The following CFAP299 variants were observed in gnomAD, a reference collection of about 807,000 sequenced individuals.
CFAP299 encodes cilia and flagella associated protein 299.
In CFAP299, 21 loss-of-function variants were observed where a neutral mutation model predicts 27.0. The ratio of observed to expected loss-of-function variants is 0.78; its 90% CI spans 0.55 to 1.12. CFAP299 has a LOEUF of 1.12. Ranked by LOEUF, CFAP299 falls within the 50% of genes most tolerant of loss-of-function variation. CFAP299 has a pLI of 0.00. For missense variants in CFAP299, 310 were observed against 276.6 expected (o/e 1.12, Z -0.86); for synonymous variants, 104 against 98.1 (o/e 1.06, Z -0.36).
rs546610451 is a variant in CFAP299 at position 80,659,742 on chromosome 4, CTT to C, written c.333+76562_333+76563del. On this transcript the variant is annotated intron_variant, in intron 3 of 5. Transcript: ENST00000358105. ...AATAAATTGGCATAATCTATACACT[CTT>C]TTGTGTTTCTTTTTATTTTCTATAA... Among the ~76,000 whole-genome samples, 766 of 152,104 alleles carry C rather than the reference CTT, an allele frequency of 5.0e-3. 5 individuals are homozygous for C. Among genetic ancestry groups the C allele is most frequent in the Middle Eastern group, 0.021 (6 of 292 alleles).
At chr4:80,913,447 A>C (rs756894638) in intron 4 of CFAP299, among the ~76,000 whole-genome samples, 8 of 152,168 alleles carry the variant, frequency 5.3e-5, no homozygotes, top group Admixed American at 5.2e-4. Flanking sequence ...CATTGCTCAC[A>C]CTTCATTGCA....
At chr4:80,476,652 G>T (rs1301004053) in intron 2 of CFAP299, among the ~76,000 whole-genome samples, 1 of 152,064 alleles carries the variant, frequency 6.6e-6, no homozygotes, top group African/African-American at 2.4e-5. Context: ...GGGTCCCCAT[G>T]ATTAATCTCA....
intron 4 of CFAP299, among the ~76,000 whole-genome samples, chr4:80,922,735 T>A (rs1368355707): frequency 6.6e-6 from 1 of 151,718 alleles, no homozygotes; most frequent in Non-Finnish European, 1.5e-5. Flanking sequence ...ATATGTTGAC[T>A]ATGAAGAATA....
chr4:80,625,745 T>C (rs905863769), intron 3 of CFAP299, among the ~76,000 whole-genome samples: 3 of 151,980 alleles, frequency 2.0e-5, no homozygotes, highest in African/African-American at 7.2e-5. Flanking sequence ...GCCATTCTTA[T>C]ATCAGATTAT....
chr4:80,328,778 A>T, the CFAP299 span, among the ~76,000 whole-genome samples: 6 of 152,278 alleles, frequency 3.9e-5, no homozygotes, highest in African/African-American at 1.2e-4. Flanking sequence ...AAATCTGAAC[A>T]GTTATTGAAA....
At chr4:80,704,938 A>G (rs1721735666) in intron 3 of CFAP299, among the ~76,000 whole-genome samples, 1 of 151,846 alleles carries the variant, frequency 6.6e-6, no homozygotes, top group Non-Finnish European at 1.5e-5. Context: ...GAAATTGGGT[A>G]AGGCTCAGCC....
intron 3 of CFAP299, among the ~76,000 whole-genome samples, chr4:80,675,606 T>G (rs1239934477): frequency 6.6e-6 from 1 of 152,214 alleles, no homozygotes; most frequent in African/African-American, 2.4e-5. Context: ...CTGCAGAAGT[T>G]TCTGCTGCCT....
chr4:80,427,617 C>T (rs919194051), intron 2 of CFAP299, among the ~76,000 whole-genome samples: 2 of 152,144 alleles, frequency 1.3e-5, no homozygotes, highest in African/African-American at 4.8e-5. Context: ...ATTGGATCCT[C>T]AAAGAGTTAT....
intron 3 of CFAP299, among the ~76,000 whole-genome samples, chr4:80,797,519 C>T (rs1037825828): frequency 2.6e-5 from 4 of 152,192 alleles, no homozygotes; most frequent in African/African-American, 9.7e-5. Context: ...TTTACCTCTA[C>T]TGTCCATTAC....
chr4:80,355,041 C>T (rs750252167), intron 1 of CFAP299, among the ~76,000 whole-genome samples: 1 of 152,014 alleles, frequency 6.6e-6, no homozygotes, highest in Non-Finnish European at 1.5e-5. Context: ...ATATGTCCAG[C>T]GATGATATTT....
At chr4:80,592,899 C>T (rs988041779) in intron 3 of CFAP299, among the ~76,000 whole-genome samples, 4 of 152,108 alleles carry the variant, frequency 2.6e-5, no homozygotes, top group African/African-American at 7.2e-5. Flanking sequence ...GGATCAGAAA[C>T]GGAAATTTAG....
At chr4:80,928,760 C>G (rs1736431198) in intron 4 of CFAP299, among the ~76,000 whole-genome samples, 2 of 152,102 alleles carry the variant, frequency 1.3e-5, no homozygotes, top group Admixed American at 1.3e-4. Context: ...TAAATGTACA[C>G]TAGTCCCTAA....
intron 5 of CFAP299, among the ~76,000 whole-genome samples, chr4:80,961,945 A>C (rs1578271069): frequency 6.6e-6 from 1 of 152,008 alleles, no homozygotes; most frequent in South Asian, 2.1e-4. Flanking sequence ...ACCAGTAGGA[A>C]ATAATATATC....
At chr4:80,796,775 C>T (rs755683363) in intron 3 of CFAP299, among the ~76,000 whole-genome samples, 4 of 152,122 alleles carry the variant, frequency 2.6e-5, no homozygotes, top group Non-Finnish European at 5.9e-5. Flanking sequence ...TCTCTGTAAT[C>T]CCTCCAGGGA....
rs572221375 is a variant in CFAP299 at position 80,387,751 on chromosome 4, A to C, written c.242+24867A>C. 3.1e-4 allele frequency: 498 copies of C among 1,588,474 alleles called. 1 individual carries two copies. The highest frequency in any genetic ancestry group is 2.7e-3 in the African/African-American group (200 of 74,538). The stretch of plus-strand genomic sequence containing the variant: ...TGTGTGGCTTCAGATGTGCTGCTGC[A>C]GGTCGAAGTTTTTGGTGAATGACTT... On this transcript the variant is annotated intron_variant, in intron 2 of 5. Coordinates refer to ENST00000358105, the MANE Select transcript of CFAP299 (RefSeq NM_152770.3).
chr4:80,563,631 A>G lies in CFAP299; in HGVS notation c.243-19462A>G, dbSNP rs532847845. ...CAAATGAACAATCTAGTGATGCATC[A>G]TAAAGACCTGGAAAAGCAAGAGCAA... is the stretch of plus-strand genomic sequence containing the variant. On this transcript the variant is annotated intron_variant, in intron 2 of 5. Coordinates refer to ENST00000358105, the MANE Select transcript of CFAP299 (RefSeq NM_152770.3). 4.2e-3 allele frequency among the ~76,000 whole-genome samples: 633 copies of G among 152,080 alleles called. 3 individuals are homozygous for G. Among genetic ancestry groups the G allele is most frequent in the South Asian group, 7.7e-3 (37 of 4,824 alleles).
chr4:80,484,507 T>C (rs1399041337), intron 2 of CFAP299, among the ~76,000 whole-genome samples: 1 of 152,172 alleles, frequency 6.6e-6, no homozygotes, highest in Non-Finnish European at 1.5e-5. Flanking sequence ...ACAAACTTTG[T>C]CTACTGAATA....
At chr4:80,630,644 G>A (rs1296624276) in intron 3 of CFAP299, among the ~76,000 whole-genome samples, 3 of 151,930 alleles carry the variant, frequency 2.0e-5, no homozygotes, top group Non-Finnish European at 4.4e-5. Flanking sequence ...ATAATGAAGT[G>A]TGCTGTATAT....
chr4:80,543,229 G>A (rs1432641536), intron 2 of CFAP299, among the ~76,000 whole-genome samples: 1 of 152,170 alleles, frequency 6.6e-6, no homozygotes, highest in Admixed American at 6.5e-5. Flanking sequence ...CAACTTCAAA[G>A]TGTAAAGGAA....
Sources: gnomAD v4.1 joint callset for allele counts (sites outside exome capture counted in the v4.1 genomes callset) on GRCh38, gnomAD v4.1.1 for gene constraint, MANE v1.5 for transcripts, NCBI Gene and HGNC (gene_info 2026-07-23, HGNC 2026-07-21) for gene names.